CCDC88C: variants seen among roughly 807,000 people sequenced by gnomAD.
CCDC88C encodes protein Daple.
In CCDC88C, 131 loss-of-function variants were observed where a neutral mutation model predicts 198.8. The observed-to-expected ratio is 0.66, with a 90% CI of 0.57 to 0.76. The LOEUF is 0.76. CCDC88C is among the 30% of genes least tolerant of loss of function. CCDC88C has a pLI of 0.00. For missense variants in CCDC88C, 2,553 were observed against 2,631.6 expected (o/e 0.97, Z 0.65); for synonymous variants, 1,166 against 1,114.7 (o/e 1.05, Z -0.92).
In CCDC88C at chr14:91,307,245, G is replaced by A; in HGVS notation, c.3007-19C>T. 1 of 1,610,692 alleles carries A rather than the reference G, an allele frequency of 6.2e-7. No individual in the cohort carries two copies. Among genetic ancestry groups the A allele is most frequent in the Non-Finnish European group, 8.5e-7 (1 of 1,179,276 alleles). ...TCTTTAGCTACAGGTGTGACAATAA[G>A]CAAGGAGGCTTTAGGCGGAAGCAGC... On this transcript the variant is annotated intron_variant, in intron 17 of 29. Coordinates refer to ENST00000389857, the MANE Select transcript of CCDC88C (RefSeq NM_001080414.4).
At position 91,314,070 on chromosome 14, in the gene CCDC88C, C is replaced by A. The variant is rs375084832; in HGVS notation, c.1746G>T (p.Glu582Asp). ...SLRERSQVSS[E>D]ARMKDVEKEN... ...CCTTCTCCACGTCTTTCATGCGGGC[C>A]TCACTGCTGACCTGCGACCTCTCCC... Residue 582 changes from glutamate (E) to aspartate (D), a missense_variant, in exon 15 of 30, where the codon GAG becomes GAT. Coordinates refer to ENST00000389857, the MANE Select transcript of CCDC88C (RefSeq NM_001080414.4). 6.2e-7 allele frequency: 1 copy of A among 1,613,904 alleles called. No homozygotes were observed. The highest frequency in any genetic ancestry group is 8.5e-7 in the Non-Finnish European group (1 of 1,179,888).
intron 15 of CCDC88C, among the ~76,000 whole-genome samples, chr14:91,311,006 T>C (rs1891796344): frequency 6.6e-6 from 1 of 152,158 alleles, no homozygotes; most frequent in Non-Finnish European, 1.5e-5. Flanking sequence ...TGTGGGTGAC[T>C]CCCTGACTGG....
chr14:91,389,922 A>AT (rs1278532352), intron 3 of CCDC88C, among the ~76,000 whole-genome samples: 2 of 151,010 alleles, frequency 1.3e-5, no homozygotes, highest in Non-Finnish European at 3.0e-5. Flanking sequence ...AATACAAAAA[A>AT]TTAGCTGGGC....
chr14:91,379,069 GTCAGCACAGCAATTTGCAT>G (rs1884626634), intron 3 of CCDC88C: 1 of 152,220 alleles, frequency 6.6e-6, no homozygotes, highest in African/African-American at 2.4e-5. Flanking sequence ...TTTTTCCAAA[GTCAGCACAGCAATTTGCAT>G]TCCCACCAGC....
chr14:91,377,606 T>TG (rs1884516236), intron 3 of CCDC88C, among the ~76,000 whole-genome samples: 1 of 152,110 alleles, frequency 6.6e-6, no homozygotes, highest in Non-Finnish European at 1.5e-5. Flanking sequence ...CACAGTATAA[T>TG]CATTATGTAC....
At chr14:91,396,425 G>A (rs1439773615) in intron 3 of CCDC88C, among the ~76,000 whole-genome samples, 1 of 152,134 alleles carries the variant, frequency 6.6e-6, no homozygotes, top group African/African-American at 2.4e-5. Flanking sequence ...GGCGTTTAGG[G>A]TATGTCCATA....
Position 91,338,685 on chromosome 14 carries a change from GC to G in CCDC88C, c.810-116del. On this transcript the variant is annotated intron_variant, in intron 8 of 29. Coordinates refer to ENST00000389857, the MANE Select transcript of CCDC88C (RefSeq NM_001080414.4). This position sits in a 1 kb window ranked among gnomAD's most constrained non-coding sequence, Gnocchi z 4.8. ...GAAAAGGAAAGGACTCGGGATTTGG[GC>G]GGTGGGGAGGCGATCTGCTTATGGG... 1 of 762,222 alleles carries G rather than the reference GC, an allele frequency of 1.3e-6. No homozygotes were observed. The highest frequency in any genetic ancestry group is 2.2e-6 in the Non-Finnish European group (1 of 447,320). 47.2% of individuals were successfully genotyped at this position (762,222 alleles called of 1,614,324 possible).
At position 91,315,864 on chromosome 14, in the gene CCDC88C, C is replaced by T. The variant is rs1892070791; in HGVS notation, c.1528-77G>A. 5 of 1,497,964 alleles carry T rather than the reference C, an allele frequency of 3.3e-6. No homozygotes were observed. The Admixed American group carries it at 1.0e-4, about 30-fold the overall frequency. 92.8% of individuals were successfully genotyped at this position (1,497,964 alleles called of 1,614,324 possible). ...ACCATGATTTAAAACAAAACAGAAA[C>T]CACCCCAACAGAATGCACTGATGGG... On this transcript the variant is annotated intron_variant, in intron 13 of 29. Coordinates refer to ENST00000389857, the MANE Select transcript of CCDC88C (RefSeq NM_001080414.4).
intron 25 of CCDC88C, among the ~76,000 whole-genome samples, chr14:91,287,400 G>T (rs186406324): frequency 8.7e-4 from 132 of 152,250 alleles, no homozygotes; most frequent in African/African-American, 3.1e-3. Flanking sequence ...ACCCAGGCTG[G>T]AGTACAGTGG....
In CCDC88C at chr14:91,320,970, C is replaced by T. The variant is rs186757544; in HGVS notation, c.1527+150G>A. ...TCACTCCCATTCCTATTATAATCAG[C>T]GGTGACTGCGCCTGGATTCTGTCCA... On this transcript the variant is annotated intron_variant, in intron 13 of 29. Coordinates refer to ENST00000389857, the MANE Select transcript of CCDC88C (RefSeq NM_001080414.4). 47 of 712,748 alleles carry T rather than the reference C, an allele frequency of 6.6e-5. No homozygotes were observed. In the Admixed American group the frequency reaches 1.1e-3, roughly 16 times the overall value. 44.2% of individuals were successfully genotyped at this position (712,748 alleles called of 1,614,324 possible). A position where few individuals can be genotyped will look rare whatever the true frequency, so the allele number is the denominator to read the frequency against.
chr14:91,291,060 T>C lies in CCDC88C; in HGVS notation c.4137A>G (p.Arg1379=). The C allele has an allele frequency of 6.4e-7, 1 of 1,573,284 alleles. No individual in the cohort carries two copies. Among genetic ancestry groups the C allele is most frequent in the Admixed American group, 1.8e-5 (1 of 55,472 alleles). ...QYIDKLNALR[R]HKEKLEEKIM... is the part of the protein sequence containing the mutation. ...TTTTTTCTTCCAGCTTTTCCTTATG[T>C]CTTCGTAAGGCATTTAATTTGTCTC... Residue 1379 remains arginine (R), a synonymous_variant, in exon 24 of 30, where the codon AGA becomes AGG. Coordinates refer to ENST00000389857, the MANE Select transcript of CCDC88C (RefSeq NM_001080414.4).
chr14:91,383,712 C>G (rs1369857045), intron 3 of CCDC88C, among the ~76,000 whole-genome samples: 2 of 152,180 alleles, frequency 1.3e-5, no homozygotes, highest in East Asian at 3.9e-4. Flanking sequence ...AAAGCAAGCA[C>G]TGGGAAAAGA....
chr14:91,349,199 C>A (rs149882902), intron 4 of CCDC88C, among the ~76,000 whole-genome samples: 11 of 152,300 alleles, frequency 7.2e-5, no homozygotes, highest in African/African-American at 2.4e-4. Context: ...GTGCTGGGAG[C>A]CAAACCAGCA....
intron 27 of CCDC88C, among the ~76,000 whole-genome samples, chr14:91,280,221 G>C (rs1890142370): frequency 6.6e-6 from 1 of 152,308 alleles, no homozygotes; most frequent in East Asian, 1.9e-4. Context: ...GCTGAGCTGA[G>C]CCACCTCAGG....
intron 4 of CCDC88C, among the ~76,000 whole-genome samples, chr14:91,349,547 G>A (rs1306534516): frequency 6.6e-6 from 1 of 152,202 alleles, no homozygotes; most frequent in African/African-American, 2.4e-5. Context: ...GGCGGGGATC[G>A]AGAAACATCA....
At chr14:91,291,136 GT>G in intron 23 of CCDC88C, 52 bp from the exon 24 acceptor site, 1 of 1,070,772 alleles carries the variant, frequency 9.3e-7, no homozygotes, top group Non-Finnish European at 1.4e-6. Flanking sequence ...AATCAAACAA[GT>G]GAATTTACTC....
intron 3 of CCDC88C, among the ~76,000 whole-genome samples, chr14:91,361,789 T>C (rs896361828): frequency 6.6e-6 from 1 of 152,166 alleles, no homozygotes; most frequent in Admixed American, 6.5e-5. Flanking sequence ...TGCATGAGTT[T>C]GCCAAAGGGT....
At chr14:91,310,019 G>A in intron 15 of CCDC88C, 33 bp from the exon 16 acceptor site, 3 of 1,544,462 alleles carry the variant, frequency 1.9e-6, no homozygotes, top group East Asian at 2.4e-5. Flanking sequence ...CTGGATAGGA[G>A]CTCAGCAAAA....
chr14:91,375,745 G>A (rs1011823023), intron 3 of CCDC88C, among the ~76,000 whole-genome samples: 13 of 152,246 alleles, frequency 8.5e-5, no homozygotes, highest in African/African-American at 2.9e-4. Flanking sequence ...GCCACGAGAT[G>A]AGGGGAGACT....
Sources: gnomAD v4.1 joint callset for allele counts (sites outside exome capture counted in the v4.1 genomes callset) on GRCh38, gnomAD v4.1.1 for gene constraint, Gnocchi (gnomAD v3.1) non-coding constraint, MANE v1.5 for transcripts, NCBI Gene and HGNC (gene_info 2026-07-23, HGNC 2026-07-21) for gene names.